NOP56: variants seen among roughly 807,000 people sequenced by gnomAD.
The protein encoded by NOP56 is NOP56 ribonucleoprotein, also known as nucleolar protein 56.
Under a neutral mutation model 58.3 loss-of-function variants are expected in NOP56, and 31 were observed. The ratio of observed to expected loss-of-function variants is 0.53; its 90% CI spans 0.40 to 0.72. The LOEUF (loss-of-function observed/expected upper bound fraction) is 0.72, where lower values mean the gene tolerates loss of function less well. Ranked by LOEUF, NOP56 falls within the 30% of genes least tolerant of loss-of-function variation. The probability of loss-of-function intolerance (pLI) is 0.00; values close to 1 mark genes in which losing one functional copy is unlikely to be tolerated. For synonymous variants in NOP56, 313 were observed against 282.8 expected, an observed-to-expected ratio of 1.11 and a Z score of -1.07; for missense variants, 669 against 739.9, an observed-to-expected ratio of 0.90 and a Z score of 1.11.
At chr20:2,653,216 C>G (rs2086773643) in intron 2 of NOP56, 63 bp from the exon 3 acceptor site, 1 of 1,346,138 alleles carries the variant, frequency 7.4e-7, no homozygotes, top group Admixed American at 1.7e-5. Flanking sequence ...AGAACCGCTG[C>G]TTGACTGCGC....
chr20:2,655,613 T>G lies in NOP56; in HGVS notation c.776T>G (p.Ile259Ser), dbSNP rs1455743361. ...TTCCTAGGCATGGACATATCTGCCA[T>G]TGACTTGATAAACATCGAGAGCTTC... ...RSSMGMDISA[I>S]DLINIESFSS... The change falls in exon 7 of 12, where the codon ATT becomes AGT. Residue 259 changes from isoleucine to serine, a missense_variant. Physicochemically the swap from Ile to Ser is moderately radical, Grantham distance 142. Around this residue, in one of 3 missense-constraint regions of NOP56, gnomAD observed 339 missense variants for 430.5 expected, o/e 0.79. Coordinates refer to ENST00000329276, the MANE Select transcript of NOP56 (RefSeq NM_006392.4). 6.2e-7 allele frequency: 1 copy of G among 1,614,232 alleles called. No homozygotes were observed. The highest frequency in any genetic ancestry group is 1.1e-5 in the South Asian group (1 of 91,084).
intron 5 of NOP56, 187 bp from the exon 6 acceptor site, chr20:2,655,138 C>T (rs1292614037): frequency 9.7e-7 from 1 of 1,031,106 alleles, no homozygotes; most frequent in African/African-American, 1.6e-5. Flanking sequence ...AGTAAACCTA[C>T]CCCATATACA....
chr20:2,655,790 C>G (rs747774737), intron 7 of NOP56, 44 bp downstream of exon 7: 81 of 1,613,570 alleles, frequency 5.0e-5, no homozygotes, highest in Middle Eastern at 1.6e-4. Context: ...AGGACTGTTG[C>G]CATGTGCACC....
intron 10 of NOP56, 48 bp from the exon 11 acceptor site, chr20:2,657,033 C>T: frequency 6.2e-7 from 1 of 1,614,088 alleles, no homozygotes; most frequent in Non-Finnish European, 8.5e-7. Flanking sequence ...AAGGAGTCCT[C>T]AGAGCACCAG....
rs770630297 is a variant in NOP56, at chr20:2,652,833, C to G, written c.4-9C>G. 1 of 1,609,228 alleles carries G rather than the reference C, an allele frequency of 6.2e-7. No homozygotes were observed. Among genetic ancestry groups the G allele is most frequent in the Admixed American group, 1.7e-5 (1 of 59,718 alleles). Reference sequence around the variant, plus strand: ...TGCGTTGACGCTCGCGCCCCGGCTCCCGTTCCAGGTGCTGTTGCACGTGCT... The same window carrying G: ...TGCGTTGACGCTCGCGCCCCGGCTCGCGTTCCAGGTGCTGTTGCACGTGCT... On this transcript the variant is annotated splice_polypyrimidine_tract_variant and intron_variant, in intron 1 of 11. Coordinates refer to ENST00000329276, the MANE Select transcript of NOP56 (RefSeq NM_006392.4).
At position 2,652,910 on chromosome 20, in the gene NOP56, G is replaced by T. The variant is rs748611802; in HGVS notation, c.72G>T (p.Glu24Asp). The change falls in exon 2 of 12, where the codon GAG (glutamate) becomes GAT (aspartate). Residue 24 changes from glutamate to aspartate, a missense_variant. Transcript: ENST00000329276. ...TGCTGGCGCTGAAGGAAGTGGAGGAGATCAGTCTGCTGCAGCCGCAGGTGG... is the reference window on the plus strand; with the variant it reads ...TGCTGGCGCTGAAGGAAGTGGAGGATATCAGTCTGCTGCAGCCGCAGGTGG... The part of the protein sequence containing the change: ...YALLALKEVE[E>D]ISLLQPQVEE... 1 of 1,607,544 alleles carries T rather than the reference G, an allele frequency of 6.2e-7. No individual in the cohort carries two copies. The highest frequency in any genetic ancestry group is 8.5e-7 in the Non-Finnish European group (1 of 1,176,972).
At chr20:2,657,287 TGCTGCATCAA>T in intron 11 of NOP56, 69 bp downstream of exon 11, 1 of 1,606,138 alleles carries the variant, frequency 6.2e-7, no homozygotes. Flanking sequence ...ACAAAGGATA[TGCTGCATCAA>T]GCTGTGGTCT....
Position 2,655,488 on chromosome 20 carries a change from C to A in NOP56, c.733C>A (p.Leu245Met), listed in dbSNP as rs1280369914. Residue 245 changes from leucine to methionine, a missense_variant, in exon 6 of 12, where the codon CTG becomes ATG. Coordinates refer to ENST00000329276, the MANE Select transcript of NOP56 (RefSeq NM_006392.4). The stretch of plus-strand genomic sequence containing the variant: ...GGATGGGGCCAAGGCTAAGGCTATT[C>A]TGGATGCCTCACGGTCCTCCATGGG... ...TMDGAKAKAI[L>M]DASRSSMGMD... The A allele has an allele frequency of 3.1e-6, 5 of 1,614,204 alleles. No individual in the cohort carries two copies. In the East Asian group the frequency reaches 1.1e-4, roughly 36 times the overall value.
At position 2,656,552 on chromosome 20, in the gene NOP56, A is replaced by G. The variant is rs780292219; in HGVS notation, c.1159+3A>G. ...CTCACGAATCGATTGCTTCTCTGGTATGGGTGGGGGGGCGTTGGCAGGTGT... is the reference window on the plus strand; with the variant it reads ...CTCACGAATCGATTGCTTCTCTGGTGTGGGTGGGGGGGCGTTGGCAGGTGT... On this transcript the variant is annotated splice_donor_region_variant and intron_variant, in intron 9 of 11. Coordinates refer to ENST00000329276, the MANE Select transcript of NOP56 (RefSeq NM_006392.4). 2.4e-5 allele frequency: 32 copies of G among 1,344,060 alleles called. No homozygotes were observed. The highest frequency in any genetic ancestry group is 3.2e-5 in the Non-Finnish European group (32 of 990,636). 83.3% of individuals were successfully genotyped at this position (1,344,060 alleles called of 1,614,324 possible).
In NOP56 at chr20:2,658,222, G is replaced by T; in HGVS notation, c.1713G>T (p.Gly571=). ...CCAAAGAGGAGCCGGTCAGCAGTGG[G>T]CCTGAAGAGGCGGTTGGCAAGAGCA... ...KFSKEEPVSS[G]PEEAVGKSSS... The change falls in exon 12 of 12, where the codon GGG becomes GGT. Residue 571 remains glycine, a synonymous_variant. Transcript: ENST00000329276. 6.2e-7 allele frequency: 1 copy of T among 1,603,710 alleles called. No individual in the cohort carries two copies. Among genetic ancestry groups the T allele is most frequent in the Non-Finnish European group, 8.5e-7 (1 of 1,175,002 alleles).
Position 2,657,223 on chromosome 20 carries a change from G to A in NOP56, c.1419+5G>A. 1 of 1,614,148 alleles carries A rather than the reference G, an allele frequency of 6.2e-7. No homozygotes were observed. The highest frequency in any genetic ancestry group is 8.5e-7 in the Non-Finnish European group (1 of 1,180,002). On this transcript the variant is annotated splice_donor_5th_base_variant and intron_variant, in intron 11 of 11. Transcript: ENST00000329276. ...AGTACTCCAGAGGAGTGTGAGGTCA[G>A]TAGGCAGCACGGCCCTGGCAGAGAT...
Position 2,657,971 on chromosome 20 carries a change from CAGG to C in NOP56, c.1466_1468del (p.Glu489del), listed in dbSNP as rs1555780337. On this transcript the variant is annotated inframe_deletion, in exon 12 of 12. Transcript: ENST00000329276. ...CAAAAAGAAGAAAAAGCAAAAGCCC[CAGG>C]AGGTTCCTCAGGAGAATGGAATGGA... The C allele has an allele frequency of 1.2e-6, 2 of 1,604,962 alleles. No individual in the cohort carries two copies. The highest frequency in any genetic ancestry group is 1.7e-6 in the Non-Finnish European group (2 of 1,174,234).
chr20:2,657,358 C>G (rs781339526), intron 11 of NOP56, 140 bp downstream of exon 11: 2 of 1,210,066 alleles, frequency 1.7e-6, no homozygotes, highest in Non-Finnish European at 2.4e-6. Context: ...CTAAAACTAC[C>G]TCTTGATTCT....
intron 7 of NOP56, 58 bp downstream of exon 7, chr20:2,655,804 A>G (rs2086809196): frequency 1.9e-6 from 3 of 1,612,826 alleles, no homozygotes; most frequent in Non-Finnish European, 2.5e-6. Flanking sequence ...GTGCACCTGC[A>G]CTGCTGTATT....
chr20:2,653,127 A>T, intron 2 of NOP56, 152 bp from the exon 3 acceptor site: 5 of 801,574 alleles, frequency 6.2e-6, no homozygotes, highest in South Asian at 5.0e-5. Context: ...AGCCTCCCGG[A>T]CGCCGCCCCC....
chr20:2,657,351 A>T lies in NOP56; in HGVS notation c.1419+133A>T, dbSNP rs771172097. The T allele has an allele frequency of 7.1e-6, 9 of 1,262,610 alleles. No individual in the cohort carries two copies. The South Asian group carries it at 8.6e-5, about 12-fold the overall frequency. 78.2% of individuals were successfully genotyped at this position (1,262,610 alleles called of 1,614,324 possible). On this transcript the variant is annotated intron_variant, in intron 11 of 11. Coordinates refer to ENST00000329276, the MANE Select transcript of NOP56 (RefSeq NM_006392.4). Reference sequence around the variant, plus strand: ...CTGAAACAAGGACCTGAAACATCTAAAACTACCTCTTGATTCTATAGGAAG... The same window carrying T: ...CTGAAACAAGGACCTGAAACATCTATAACTACCTCTTGATTCTATAGGAAG...
chr20:2,657,290 T>G, intron 11 of NOP56, 72 bp downstream of exon 11: 1 of 1,603,652 alleles, frequency 6.2e-7, no homozygotes, highest in Non-Finnish European at 8.5e-7. Flanking sequence ...AAGGATATGC[T>G]GCATCAAGCT....
At position 2,652,660 on chromosome 20, in the gene NOP56, C is replaced by T. The variant is rs552578700; in HGVS notation, c.-1C>T. On this transcript the variant is annotated 5_prime_UTR_variant, in exon 1 of 12. Transcript: ENST00000329276. ...GCGAGCCGAACCCGGGAGCTGGCGC[C>T]ATGGTGAGGAGTGGTTGCGGGGCGC... is the stretch of plus-strand genomic sequence containing the variant. 5.6e-6 allele frequency: 8 copies of T among 1,433,310 alleles called. No homozygotes were observed. The highest frequency in any genetic ancestry group is 3.0e-5 in the South Asian group (2 of 65,962). 88.8% of individuals were successfully genotyped at this position (1,433,310 alleles called of 1,614,324 possible).
intron 3 of NOP56, chr20:2,654,117 C>T: frequency 1.7e-6 from 1 of 603,506 alleles, no homozygotes; most frequent in Admixed American, 1.9e-5. Flanking sequence ...AAGGCAAATT[C>T]TACGAAATAC....
Sources: allele counts gnomAD v4.1 joint callset, GRCh38; gene constraint gnomAD v4.1.1; regional missense constraint gnomAD v4.1.1; transcripts MANE v1.5; gene names NCBI Gene and HGNC (gene_info 2026-07-23, HGNC 2026-07-21).